The following MAN2A1 variants were observed in gnomAD, a reference collection of about 807,000 sequenced individuals.
MAN2A1 encodes the protein alpha-mannosidase 2.
In MAN2A1, 76 loss-of-function variants were observed where a neutral mutation model predicts 142.6. That is an observed-to-expected ratio of 0.53 (90% CI 0.44 to 0.65). MAN2A1 has a LOEUF of 0.65. Among genes scored for constraint, MAN2A1 ranks in the 30% least tolerant of loss-of-function variants. MAN2A1 has a pLI of 0.00. For missense variants in MAN2A1, 1,311 were observed against 1,365.1 expected (o/e 0.96, Z 0.62); for synonymous variants, 559 against 473.2 (o/e 1.18, Z -2.35).
At chr5:109,815,950 A>G (rs903562718) in intron 12 of MAN2A1, among the ~76,000 whole-genome samples, 7 of 152,222 alleles carry the variant, frequency 4.6e-5, no homozygotes, top group Non-Finnish European at 8.8e-5. Flanking sequence ...TATTAGTCCA[A>G]CATCCTCTTT....
At chr5:109,776,327 A>G (rs2112659412) in intron 8 of MAN2A1, among the ~76,000 whole-genome samples, 2 of 152,288 alleles carry the variant, frequency 1.3e-5, no homozygotes, top group East Asian at 3.9e-4. Context: ...AAGTTTATTC[A>G]GGATTGTTAC....
At chr5:109,832,161 CTTT>C (rs70999945) in intron 16 of MAN2A1, among the ~76,000 whole-genome samples, 523 of 51,152 alleles carry the variant, frequency 0.01, no homozygotes, top group African/African-American at 0.037. Context: ...AAGGAGTTTT[CTTT>C]TTTTTTTTTT....
At chr5:109,735,986 A>G (rs1359494879) in intron 4 of MAN2A1, among the ~76,000 whole-genome samples, 5 of 149,164 alleles carry the variant, frequency 3.4e-5, no homozygotes, top group South Asian at 2.1e-4. Context: ...TTAATTAACT[A>G]CCTCATCCAA....
At chr5:109,792,242 G>C (rs1753755156) in intron 12 of MAN2A1, among the ~76,000 whole-genome samples, 1 of 151,902 alleles carries the variant, frequency 6.6e-6, no homozygotes, top group South Asian at 2.1e-4. Flanking sequence ...TAGTTATCTA[G>C]GTTCTGAAAT....
chr5:109,800,476 C>T (rs1243237143), intron 12 of MAN2A1, among the ~76,000 whole-genome samples: 2 of 152,136 alleles, frequency 1.3e-5, no homozygotes, highest in African/African-American at 4.8e-5. Context: ...GGAATCTGTC[C>T]TGCAGAAATA....
At position 109,690,442 on chromosome 5, in the gene MAN2A1, G is replaced by A; in HGVS notation, c.25G>A (p.Val9Met). 1.2e-6 allele frequency: 2 copies of A among 1,614,070 alleles called. No individual in the cohort carries two copies. The highest frequency in any genetic ancestry group is 8.5e-7 in the Non-Finnish European group (1 of 1,179,938). Residue 9 changes from valine to methionine, a missense_variant, in exon 1 of 22, where the codon GTG becomes ATG. Around this residue, in one of 3 missense-constraint regions of MAN2A1, gnomAD observed 409 missense variants for 412.7 expected, o/e 0.99. Transcript: ENST00000261483. ...AATGAAGTTAAGCCGCCAGTTCACC[G>A]TGTTCGGCAGTGCGATCTTCTGTGT... The part of the protein sequence containing the change: MKLSRQFT[V>M]FGSAIFCVVI...
chr5:109,711,754 G>A (rs931520406), intron 1 of MAN2A1, among the ~76,000 whole-genome samples: 8 of 152,076 alleles, frequency 5.3e-5, no homozygotes, highest in Non-Finnish European at 8.8e-5. Flanking sequence ...TGGTGCAGTG[G>A]GGCTTGTCTT....
intron 1 of MAN2A1, among the ~76,000 whole-genome samples, chr5:109,708,081 C>G (rs1423049905): frequency 1.3e-5 from 2 of 152,118 alleles, no homozygotes; most frequent in African/African-American, 2.4e-5. Flanking sequence ...AGAAGCTAAC[C>G]TTGAGGTGCT....
rs570857746 is a variant in MAN2A1, at chr5:109,760,772, C to T, written c.835+5316C>T. 4.1e-4 allele frequency among the ~76,000 whole-genome samples: 63 copies of T among 152,116 alleles called. 1 individual carries two copies. The highest frequency in any genetic ancestry group is 6.8e-3 in the Middle Eastern group (2 of 294). ...TCACGTTTGTTGGCTGCATAAATGTCTTCTTTTGAGAAGTGTCTGTTCATA... is the reference window on the plus strand; with the variant it reads ...TCACGTTTGTTGGCTGCATAAATGTTTTCTTTTGAGAAGTGTCTGTTCATA... On this transcript the variant is annotated intron_variant, in intron 5 of 21. Coordinates refer to ENST00000261483, the MANE Select transcript of MAN2A1 (RefSeq NM_002372.4).
intron 1 of MAN2A1, among the ~76,000 whole-genome samples, chr5:109,708,217 C>T (rs1383075364): frequency 6.6e-6 from 1 of 152,048 alleles, no homozygotes; most frequent in Admixed American, 6.5e-5. Context: ...GGAAGGAGTG[C>T]TCCATTGTGC....
At chr5:109,817,130 C>T in intron 12 of MAN2A1, 143 bp from the exon 13 acceptor site, 2 of 721,198 alleles carry the variant, frequency 2.8e-6, no homozygotes, top group Non-Finnish European at 2.2e-6. Flanking sequence ...CTCCCCACTG[C>T]ACTCCAGCCT....
In MAN2A1 at chr5:109,867,154, TAAG is replaced by T; in HGVS notation, c.*159_*161del. On this transcript the variant is annotated 3_prime_UTR_variant, in exon 22 of 22. Coordinates refer to ENST00000261483, the MANE Select transcript of MAN2A1 (RefSeq NM_002372.4). ...TTTCTTTTTTCTTTTACCAGTACAG[TAAG>T]AAAAAAAAAAAAAAAAAAAAAGCCA... 2.2e-4 allele frequency: 23 copies of T among 104,666 alleles called. No homozygotes were observed. Among genetic ancestry groups the T allele is most frequent in the East Asian group, 4.3e-4 (3 of 6,948 alleles). 6.5% of individuals were successfully genotyped at this position (104,666 alleles called of 1,614,324 possible).
At position 109,713,522 on chromosome 5, in the gene MAN2A1, C is replaced by G; in HGVS notation, c.138C>G (p.Gly46=). 1 of 1,601,670 alleles carries G rather than the reference C, an allele frequency of 6.2e-7. No individual in the cohort carries two copies. The highest frequency in any genetic ancestry group is 8.5e-7 in the Non-Finnish European group (1 of 1,171,598). Residue 46 remains glycine, a splice_region_variant and synonymous_variant, in exon 2 of 22, where the codon GGC becomes GGG. Coordinates refer to ENST00000261483, the MANE Select transcript of MAN2A1 (RefSeq NM_002372.4). ...NPRREGSFPQ[G]QLSMLQEKID... ...TGCCTTTTTCTTTTTTATTGTAGGG[C>G]CAGCTCTCAATGTTGCAAGAAAAAA...
chr5:109,745,612 TATTAA>T (rs1268508360), intron 4 of MAN2A1, among the ~76,000 whole-genome samples: 4 of 152,150 alleles, frequency 2.6e-5, no homozygotes, highest in Admixed American at 6.5e-5. Flanking sequence ...TTTTTATTTC[TATTAA>T]ATTAAATTAA....
intron 3 of MAN2A1, among the ~76,000 whole-genome samples, chr5:109,717,215 A>T (rs1300541496): frequency 6.6e-6 from 1 of 152,114 alleles, no homozygotes; most frequent in Non-Finnish European, 1.5e-5. Context: ...TGCTTCCAGC[A>T]TTCATTTATC....
intron 2 of MAN2A1, among the ~76,000 whole-genome samples, chr5:109,714,504 C>T (rs1334740165): frequency 6.6e-6 from 1 of 152,202 alleles, no homozygotes; most frequent in East Asian, 1.9e-4. Flanking sequence ...TCTTGGACAG[C>T]GCTATTATAG....
intron 12 of MAN2A1, among the ~76,000 whole-genome samples, chr5:109,806,921 G>A (rs1580272121): frequency 6.6e-6 from 1 of 152,274 alleles, no homozygotes; most frequent in East Asian, 1.9e-4. Flanking sequence ...CCTAAATATA[G>A]AGAAAGGTGT....
At chr5:109,751,882 A>G (rs912632360) in intron 4 of MAN2A1, among the ~76,000 whole-genome samples, 1 of 150,886 alleles carries the variant, frequency 6.6e-6, no homozygotes, top group African/African-American at 2.4e-5. Context: ...ATCATTCCCT[A>G]TTTTCTCTTT....
At chr5:109,814,075 A>G (rs1754390507) in intron 12 of MAN2A1, among the ~76,000 whole-genome samples, 1 of 152,202 alleles carries the variant, frequency 6.6e-6, no homozygotes, top group Admixed American at 6.6e-5. Flanking sequence ...AGGAGGCTGG[A>G]CGTGACTTGG....
Sources: gnomAD v4.1 joint callset for allele counts (sites outside exome capture counted in the v4.1 genomes callset) on GRCh38, gnomAD v4.1.1 for gene constraint, gnomAD v4.1.1 regional missense constraint, MANE v1.5 for transcripts, NCBI Gene and HGNC (gene_info 2026-07-23, HGNC 2026-07-21) for gene names.